Variants in FBN3 observed in about 807,000 individuals in gnomAD.
The protein encoded by FBN3 is fibrillin-3.
In FBN3, 234 loss-of-function variants were observed where a neutral mutation model predicts 330.1. The observed-to-expected ratio is 0.71, with a 90% CI of 0.64 to 0.79. The LOEUF (loss-of-function observed/expected upper bound fraction) is 0.79. Ranked by LOEUF, FBN3 falls within the 30% of genes least tolerant of loss-of-function variation. The pLI is 0.00. For missense variants in FBN3, 3,606 were observed against 3,886.9 expected (o/e 0.93, Z 1.92); for synonymous variants, 1,458 against 1,517.3 (o/e 0.96, Z 0.91).
Position 8,129,358 on chromosome 19 carries a change from G to A in FBN3, c.2052C>T (p.Asn684=), listed in dbSNP as rs371111386. 2.6e-5 allele frequency: 42 copies of A among 1,614,066 alleles called. 1 individual carries two copies. Among genetic ancestry groups the A allele is most frequent in the South Asian group, 1.8e-4 (16 of 91,064 alleles). The stretch of plus-strand genomic sequence containing the variant: ...AAACCTCAGGATCCAGAGCACACTC[G>A]TTGATGTCTGCGGCAGGAGGAGGGT... ...LGITTDGRDI[N]ECALDPEVCA... Residue 684 remains asparagine (N), a synonymous_variant, in exon 17 of 64, where the codon AAC becomes AAT. Coordinates refer to ENST00000600128, the MANE Select transcript of FBN3 (RefSeq NM_032447.5). This position sits in a 1 kb window ranked among gnomAD's most constrained non-coding sequence, Gnocchi z 4.5.
intron 18 of FBN3, among the ~76,000 whole-genome samples, chr19:8,127,865 G>A (rs1219507456): frequency 2.0e-5 from 3 of 152,050 alleles, no homozygotes; most frequent in Non-Finnish European, 2.9e-5. Flanking sequence ...CCTGTAGTCC[G>A]GGCTACTTGG....
chr19:8,093,570 C>A (rs532853840), intron 47 of FBN3, among the ~76,000 whole-genome samples: 24 of 152,242 alleles, frequency 1.6e-4, no homozygotes, highest in Admixed American at 2.6e-4. Flanking sequence ...TTGCAGTGAG[C>A]CGAGATTGTG....
intron 61 of FBN3, 181 bp downstream of exon 61, chr19:8,074,890 T>TGCA: frequency 1.4e-6 from 1 of 701,700 alleles, no homozygotes; most frequent in Non-Finnish European, 2.2e-6. Flanking sequence ...CACTTTTTGA[T>TGCA]GCTTATTCTG....
intron 49 of FBN3, 66 bp from the exon 50 acceptor site, chr19:8,090,025 A>C: frequency 1.2e-6 from 2 of 1,600,118 alleles, no homozygotes; most frequent in South Asian, 2.2e-5. Flanking sequence ...GTGTGCAGGG[A>C]AGGATGAGAG....
chr19:8,130,620 GAAA>G lies in FBN3; in HGVS notation c.2044+612_2044+614del, dbSNP rs1229710327. ...AGAAAGAAAGAAAGAAAGAAAGAAA[GAAA>G]GAAAGAAAGAAAGAAAGAAAGGAAA... On this transcript the variant is annotated intron_variant, in intron 16 of 63. Coordinates refer to ENST00000600128, the MANE Select transcript of FBN3 (RefSeq NM_032447.5). Among the ~76,000 whole-genome samples the G allele has an allele frequency of 6.6e-3, 106 of 15,996 alleles. 26 individuals are homozygous for G. The highest frequency in any genetic ancestry group is 0.023 in the African/African-American group (56 of 2,438). 10.5% of individuals were successfully genotyped at this position (15,996 alleles called of 152,430 possible). A position where few individuals can be genotyped will look rare whatever the true frequency, so the allele number is the denominator to read the frequency against.
intron 25 of FBN3, 56 bp from the exon 26 acceptor site, chr19:8,119,078 G>T (rs1017923852): frequency 5.2e-6 from 8 of 1,548,616 alleles, no homozygotes; most frequent in Non-Finnish European, 7.0e-6. Context: ...GCAGGGAGGG[G>T]GTGATGAGGC....
In FBN3 at chr19:8,131,403, A is replaced by G; in HGVS notation, c.1991-115T>C. 1 of 1,464,008 alleles carries G rather than the reference A, an allele frequency of 6.8e-7. No homozygotes were observed. The highest frequency in any genetic ancestry group is 9.4e-7 in the Non-Finnish European group (1 of 1,063,292). The allele number at this position is 1,464,008 out of a possible 1,614,324, so 90.7% of individuals were successfully genotyped here. On this transcript the variant is annotated intron_variant, in intron 15 of 63. Transcript: ENST00000600128. The surrounding 1 kb of genome is among the most constrained non-coding windows in gnomAD (Gnocchi z 4.5). ...GGGCAAGAGTTTGGGACTAAGACACAACTCCAACCCCGGGGAGGGAGCAAC... is the reference window on the plus strand; with the variant it reads ...GGGCAAGAGTTTGGGACTAAGACACGACTCCAACCCCGGGGAGGGAGCAAC...
chr19:8,105,486 G>C (rs2082419860), intron 38 of FBN3, among the ~76,000 whole-genome samples: 1 of 151,956 alleles, frequency 6.6e-6, no homozygotes, highest in Non-Finnish European at 1.5e-5. Flanking sequence ...TTAAACTCCT[G>C]GCCTCAAGCA....
intron 19 of FBN3, 29 bp downstream of exon 19, chr19:8,126,684 G>A: frequency 1.3e-6 from 2 of 1,583,532 alleles, no homozygotes; most frequent in Non-Finnish European, 1.7e-6. Flanking sequence ...CCAGCCTCTG[G>A]AACGCCGTCG....
chr19:8,140,691 A>C (rs952310299), intron 8 of FBN3, among the ~76,000 whole-genome samples: 7 of 152,072 alleles, frequency 4.6e-5, no homozygotes, highest in Non-Finnish European at 8.8e-5. Flanking sequence ...AGAGCGGTTA[A>C]GTCACTTGCC....
intron 63 of FBN3, among the ~76,000 whole-genome samples, chr19:8,068,618 C>T (rs562509099): frequency 1.3e-5 from 2 of 151,932 alleles, no homozygotes; most frequent in South Asian, 2.1e-4. Flanking sequence ...GGGAGGATTG[C>T]TTGAGCCCAG....
intron 41 of FBN3, among the ~76,000 whole-genome samples, chr19:8,099,441 C>T (rs78734079): frequency 5.3e-5 from 8 of 151,210 alleles, no homozygotes; most frequent in South Asian, 2.1e-4. Context: ...CCACCACGCC[C>T]GGCTAATTTT....
At chr19:8,144,581 T>C (rs942795743) in intron 6 of FBN3, among the ~76,000 whole-genome samples, 5 of 151,610 alleles carry the variant, frequency 3.3e-5, no homozygotes, top group Admixed American at 6.6e-5. Flanking sequence ...TGTCTTAGCC[T>C]TGACACCCCC....
intron 51 of FBN3, 59 bp from the exon 52 acceptor site, chr19:8,088,238 T>C (rs1270277035): frequency 6.5e-7 from 1 of 1,529,046 alleles, no homozygotes; most frequent in Non-Finnish European, 8.8e-7. Flanking sequence ...CTCAGTAGCA[T>C]CCCATCTGCC....
rs114688628 is a variant in FBN3, at chr19:8,121,328, C to T, written c.3141G>A (p.Thr1047=). 720 of 1,613,288 alleles carry T rather than the reference C, an allele frequency of 4.5e-4. 4 individuals are homozygous for T. The African/African-American group carries it at 8.3e-3, about 19-fold the overall frequency. The stretch of plus-strand genomic sequence containing the variant: ...AACACTCGCACTCAAAGCTGCCCGG[C>T]GTGTTGACACAGGTGCCCTGGCCGC... The part of the protein sequence containing the change: ...DLCGQGTCVN[T]PGSFECECFP... Residue 1047 remains threonine, a synonymous_variant, in exon 25 of 64, where the codon ACG becomes ACA. Coordinates refer to ENST00000600128, the MANE Select transcript of FBN3 (RefSeq NM_032447.5). This position sits in a 1 kb window ranked among gnomAD's most constrained non-coding sequence, Gnocchi z 4.5.
intron 37 of FBN3, among the ~76,000 whole-genome samples, chr19:8,107,606 T>TG (rs1269825058): frequency 6.9e-6 from 1 of 145,432 alleles, no homozygotes. Flanking sequence ...GACAGAAAGA[T>TG]GGGGGATAGA....
At chr19:8,130,627 A>AGGAAGGAAGGAAGGAAGGAAGG (rs57559039) in intron 16 of FBN3, among the ~76,000 whole-genome samples, 1 of 29,602 alleles carries the variant, frequency 3.4e-5, no homozygotes, top group Non-Finnish European at 6.6e-5. Context: ...AAAGAAAGAA[A>AGGAAGGAAGGAAGGAAGGAAGG]GAAAGAAAGA....
chr19:8,118,241 A>T (rs1194322401), intron 26 of FBN3, among the ~76,000 whole-genome samples: 1 of 152,148 alleles, frequency 6.6e-6, no homozygotes, highest in Non-Finnish European at 1.5e-5. Context: ...ATGCATTTGC[A>T]TCCAACTACA....
At chr19:8,077,164 A>C (rs112242887) in intron 59 of FBN3, among the ~76,000 whole-genome samples, 4 of 152,318 alleles carry the variant, frequency 2.6e-5, no homozygotes, top group African/African-American at 9.6e-5. Flanking sequence ...CTACGATGGT[A>C]GGAGGGCATT....
Sources: allele counts gnomAD v4.1 joint callset (sites outside exome capture counted in the v4.1 genomes callset), GRCh38; gene constraint gnomAD v4.1.1; non-coding constraint Gnocchi (gnomAD v3.1); transcripts MANE v1.5; gene names NCBI Gene and HGNC (gene_info 2026-07-23, HGNC 2026-07-21).